ARHGAP6: variants seen among roughly 807,000 people sequenced by gnomAD.
The protein encoded by ARHGAP6 is rho GTPase-activating protein 6.
A neutral mutation model predicts 55.7 loss-of-function variants in ARHGAP6; 16 were observed. The ratio of observed to expected loss-of-function variants is 0.29; its 90% CI spans 0.19 to 0.44. ARHGAP6 has a LOEUF of 0.44. Ranked by LOEUF, ARHGAP6 falls within the 20% of genes least tolerant of loss-of-function variation. The pLI is 1.00. For synonymous variants in ARHGAP6, 382 were observed against 360.9 expected, an observed-to-expected ratio of 1.06 and a Z score of -0.66; for missense variants, 698 against 808.9, an observed-to-expected ratio of 0.86 and a Z score of 1.66.
intron 2 of ARHGAP6, among the ~76,000 whole-genome samples, chrX:11,252,039 T>C (rs756802525): frequency 2.7e-5 from 3 of 112,399 alleles, no homozygotes; most frequent in Non-Finnish European, 5.6e-5. Flanking sequence ...AACATTTCGA[T>C]AGCACAAATC....
chrX:11,211,819 G>T (rs1053163067), intron 2 of ARHGAP6, among the ~76,000 whole-genome samples: 1 of 112,315 alleles, frequency 8.9e-6, no homozygotes, highest in African/African-American at 3.2e-5. Flanking sequence ...GGGATTACAG[G>T]TGTGCGCCAC....
intron 2 of ARHGAP6, among the ~76,000 whole-genome samples, chrX:11,227,793 CTTTTTTCTTTTTT>C (rs1448588414): frequency 7.4e-5 from 8 of 108,206 alleles, no homozygotes; most frequent in African/African-American, 2.4e-4. Flanking sequence ...CTTTCTTTTT[CTTTTTTCTTTTTT>C]TTTTTTTGAC....
chrX:11,288,124 C>T (rs918873981), intron 1 of ARHGAP6, among the ~76,000 whole-genome samples: 1 of 112,787 alleles, frequency 8.9e-6, no homozygotes, highest in African/African-American at 3.2e-5. Flanking sequence ...TTTCCATAGG[C>T]TTTCTCTTCT....
intron 1 of ARHGAP6, among the ~76,000 whole-genome samples, chrX:11,534,087 A>T (rs949992576): frequency 5.4e-5 from 6 of 111,263 alleles, no homozygotes; most frequent in African/African-American, 2.0e-4. Context: ...GAAAGAAATA[A>T]ATGGACTCAA....
intron 1 of ARHGAP6, among the ~76,000 whole-genome samples, chrX:11,369,550 T>G (rs1316666791): frequency 8.9e-6 from 1 of 111,828 alleles, no homozygotes; most frequent in Non-Finnish European, 1.9e-5. Flanking sequence ...CTTTGTGACC[T>G]TACACAATGT....
intron 1 of ARHGAP6, among the ~76,000 whole-genome samples, chrX:11,428,615 A>G (rs1179775776): frequency 9.0e-6 from 1 of 111,577 alleles, no homozygotes; most frequent in Non-Finnish European, 1.9e-5. Flanking sequence ...TACAAAGTGG[A>G]AGATGTGCTT....
At chrX:11,188,418 G>C (rs2046412942) in intron 4 of ARHGAP6, among the ~76,000 whole-genome samples, 1 of 111,729 alleles carries the variant, frequency 9.0e-6, no homozygotes, top group Non-Finnish European at 1.9e-5. Context: ...CAGTCTAGTG[G>C]GCAAGTATGG....
chrX:11,407,450 T>A (rs778865444), intron 1 of ARHGAP6, among the ~76,000 whole-genome samples: 1 of 112,543 alleles, frequency 8.9e-6, no homozygotes, highest in African/African-American at 3.2e-5. Context: ...GAATAATGCA[T>A]GTGCATTCAT....
chrX:11,516,318 C>G (rs2050839897), intron 1 of ARHGAP6, among the ~76,000 whole-genome samples: 1 of 111,559 alleles, frequency 9.0e-6, no homozygotes, highest in Non-Finnish European at 1.9e-5. Flanking sequence ...TAAGTACTTC[C>G]ACATTGTTGT....
chrX:11,612,234 G>A (rs2052110177), intron 1 of ARHGAP6, among the ~76,000 whole-genome samples: 1 of 111,710 alleles, frequency 9.0e-6, no homozygotes, highest in Non-Finnish European at 1.9e-5. Context: ...TGTTTTAAGT[G>A]AGCAGCAACT....
intron 3 of ARHGAP6, among the ~76,000 whole-genome samples, chrX:11,191,605 T>C (rs986750231): frequency 1.8e-5 from 2 of 111,811 alleles, no homozygotes; most frequent in African/African-American, 6.5e-5. Flanking sequence ...CCCCTCTCCT[T>C]TTGCCACAGT....
At chrX:11,176,456 G>C (rs1569242638) in intron 8 of ARHGAP6, among the ~76,000 whole-genome samples, 1 of 99,980 alleles carries the variant, frequency 1.0e-5, no homozygotes, top group Non-Finnish European at 2.0e-5. Flanking sequence ...TCTTCTTTTT[G>C]GCATAGGCAA....
At chrX:11,471,814 A>C (rs143835778) in intron 1 of ARHGAP6, among the ~76,000 whole-genome samples, 8,669 of 111,419 alleles carry the variant, frequency 0.078, 397 homozygotes, top group East Asian at 0.18. Context: ...GGCCTACCTC[A>C]AACTGAGGCT....
At chrX:11,283,445 A>G (rs1182571015) in intron 1 of ARHGAP6, among the ~76,000 whole-genome samples, 1 of 111,764 alleles carries the variant, frequency 8.9e-6, no homozygotes, top group African/African-American at 3.3e-5. Flanking sequence ...TTTGCTGGAG[A>G]ATAAAGGTAA....
chrX:11,268,338 A>G (rs188531262), intron 1 of ARHGAP6, among the ~76,000 whole-genome samples: 245 of 112,107 alleles, frequency 2.2e-3, no homozygotes, highest in Admixed American at 6.8e-3. Flanking sequence ...TAGATGGAAT[A>G]AAATCAAATA....
chrX:11,368,804 T>C (rs1032535058), intron 1 of ARHGAP6, among the ~76,000 whole-genome samples: 1 of 112,215 alleles, frequency 8.9e-6, no homozygotes, highest in Non-Finnish European at 1.9e-5. Flanking sequence ...GCTTGATAAA[T>C]ATTTGTGGAA....
chrX:11,201,845 C>T (rs772633010), intron 2 of ARHGAP6, among the ~76,000 whole-genome samples: 1 of 111,346 alleles, frequency 9.0e-6, no homozygotes, highest in Admixed American at 9.6e-5. Context: ...TCCCTCCCAC[C>T]ACACATGGGG....
intron 1 of ARHGAP6, among the ~76,000 whole-genome samples, chrX:11,539,512 C>T (rs2051135736): frequency 1.8e-5 from 2 of 111,952 alleles, no homozygotes; most frequent in Admixed American, 1.9e-4. Flanking sequence ...GCAGAGTTGC[C>T]TACCCTGCTG....
intron 2 of ARHGAP6, among the ~76,000 whole-genome samples, chrX:11,219,133 C>T (rs1240496879): frequency 7.5e-5 from 7 of 93,205 alleles, no homozygotes; most frequent in South Asian, 6.0e-4. Context: ...TGAGAATATG[C>T]GGTGTTTGGT....
Sources: allele counts gnomAD v4.1 joint callset (sites outside exome capture counted in the v4.1 genomes callset), GRCh38; gene constraint gnomAD v4.1.1; transcripts MANE v1.5; gene names NCBI Gene and HGNC (gene_info 2026-07-23, HGNC 2026-07-21).